TNRC6B: variants seen among roughly 807,000 people sequenced by gnomAD.
TNRC6B encodes the protein trinucleotide repeat containing adaptor 6B, also known as trinucleotide repeat-containing gene 6B protein.
In TNRC6B, 52 loss-of-function variants were observed where a neutral mutation model predicts 203.6. That is an observed-to-expected ratio of 0.26 (90% CI 0.20 to 0.32). The LOEUF is 0.32. Among genes scored for constraint, TNRC6B ranks in the 10% least tolerant of loss-of-function variants. The pLI, the probability that TNRC6B is intolerant of heterozygous loss-of-function variation, is 1.00. For synonymous variants in TNRC6B, 838 were observed against 845.7 expected, an observed-to-expected ratio of 0.99 and a Z score of 0.16; for missense variants, 1,923 against 2,286.2, an observed-to-expected ratio of 0.84 and a Z score of 3.24.
intron 1 of TNRC6B, among the ~76,000 whole-genome samples, chr22:40,052,112 C>G (rs2067751075): frequency 6.6e-6 from 1 of 152,176 alleles, no homozygotes; most frequent in Non-Finnish European, 1.5e-5. Context: ...CTAGAACCAG[C>G]TTCCTTATCC....
intron 1 of TNRC6B, among the ~76,000 whole-genome samples, chr22:40,064,736 C>T (rs1192963198): frequency 6.6e-6 from 1 of 151,824 alleles, no homozygotes; most frequent in African/African-American, 2.4e-5. Context: ...CCTGCCTCAG[C>T]CTCCCGAGTA....
chr22:40,185,177 G>A (rs1217634172), intron 1 of TNRC6B, among the ~76,000 whole-genome samples: 1 of 152,078 alleles, frequency 6.6e-6, no homozygotes, highest in Non-Finnish European at 1.5e-5. Context: ...TTTTAGTAGA[G>A]ACGAGGTTTC....
chr22:40,170,295 A>G (rs1178648247), intron 4 of TNRC6B, among the ~76,000 whole-genome samples: 1 of 118,762 alleles, frequency 8.4e-6, no homozygotes, highest in African/African-American at 3.3e-5. Context: ...AAAAAAATAT[A>G]TATATATAAT....
chr22:40,172,834 A>T (rs374761716), intron 4 of TNRC6B, among the ~76,000 whole-genome samples: 2 of 152,160 alleles, frequency 1.3e-5, no homozygotes, highest in East Asian at 3.8e-4. Flanking sequence ...TGAAGATCTT[A>T]GAGATTTCTG....
chr22:40,045,288 T>A (rs2067677507), intron 1 of TNRC6B, among the ~76,000 whole-genome samples: 1 of 141,140 alleles, frequency 7.1e-6, no homozygotes, highest in African/African-American at 2.6e-5. Context: ...GGGGAGGGAC[T>A]CGGGGCGACG....
intron 12 of TNRC6B, among the ~76,000 whole-genome samples, chr22:40,291,479 A>C (rs934068042): frequency 6.6e-6 from 1 of 152,178 alleles, no homozygotes; most frequent in Non-Finnish European, 1.5e-5. Context: ...CAATGACAGG[A>C]ATTATTTTTA....
chr22:40,171,450 C>T (rs1053745569), intron 4 of TNRC6B, among the ~76,000 whole-genome samples: 5 of 151,974 alleles, frequency 3.3e-5, no homozygotes, highest in African/African-American at 1.2e-4. Flanking sequence ...CGTGAGCCAC[C>T]GCACCCGGCC....
chr22:40,081,499 C>G (rs1025648784), intron 1 of TNRC6B, among the ~76,000 whole-genome samples: 2 of 152,072 alleles, frequency 1.3e-5, no homozygotes, highest in African/African-American at 4.8e-5. Context: ...TCATAATGCT[C>G]TATACCATAA....
chr22:40,248,792 T>C (rs1449275038), intron 2 of TNRC6B, among the ~76,000 whole-genome samples: 7 of 152,274 alleles, frequency 4.6e-5, no homozygotes, highest in African/African-American at 1.7e-4. Context: ...CTATCGTTTT[T>C]GCTCAAAAAT....
At chr22:40,267,896 T>C (rs1385539378) in intron 5 of TNRC6B, among the ~76,000 whole-genome samples, 1 of 151,948 alleles carries the variant, frequency 6.6e-6, no homozygotes, top group African/African-American at 2.4e-5. Context: ...ATTGTTAGGA[T>C]AGTCAGTTGC....
intron 1 of TNRC6B, among the ~76,000 whole-genome samples, chr22:40,191,607 G>A (rs2069274490): frequency 6.6e-6 from 1 of 152,148 alleles, no homozygotes; most frequent in African/African-American, 2.4e-5. Flanking sequence ...AACAAGACAG[G>A]TTCTCACTCT....
At chr22:40,274,864 C>T (rs2070617071) in intron 7 of TNRC6B, among the ~76,000 whole-genome samples, 1 of 152,144 alleles carries the variant, frequency 6.6e-6, no homozygotes, top group South Asian at 2.1e-4. Context: ...CCAGTGTCTT[C>T]GCAGACCCTC....
intron 1 of TNRC6B, among the ~76,000 whole-genome samples, chr22:40,101,884 T>G (rs907201445): frequency 6.6e-6 from 1 of 152,220 alleles, no homozygotes; most frequent in African/African-American, 2.4e-5. Flanking sequence ...TCTGGTTTTG[T>G]CTAAGTCAAA....
At chr22:40,158,941 T>C (rs2068844940) in intron 4 of TNRC6B, among the ~76,000 whole-genome samples, 1 of 152,156 alleles carries the variant, frequency 6.6e-6, no homozygotes, top group Admixed American at 6.5e-5. Context: ...TGATTCAGTC[T>C]GGATAGGGAA....
At chr22:40,214,142 C>T (rs189536934) in intron 1 of TNRC6B, among the ~76,000 whole-genome samples, 1 of 152,084 alleles carries the variant, frequency 6.6e-6, no homozygotes, top group Non-Finnish European at 1.5e-5. Context: ...TGGTGCGCAC[C>T]TGTAGCCCCA....
In TNRC6B at chr22:40,265,455, G is replaced by T. The variant is rs747365401; in HGVS notation, c.1225G>T (p.Ala409Ser). Residue 409 changes from alanine to serine, a missense_variant, in exon 5 of 23, where the codon GCC becomes TCC. This residue lies in a region of TNRC6B where 614 missense variants were observed against 587.7 expected (regional missense o/e 1.04). Coordinates refer to ENST00000454349, the MANE Select transcript of TNRC6B (RefSeq NM_001162501.2). ...GLGNTSRSTD[A>S]PSQSTGDRKT... ...GGGGAACACCTCCAGGAGCACTGAT[G>T]CCCCTTCACAAAGCACTGGAGATCG... 18 of 1,613,888 alleles carry T rather than the reference G, an allele frequency of 1.1e-5. No homozygotes were observed. The highest frequency in any genetic ancestry group is 1.6e-4 in the Middle Eastern group (1 of 6,084).
At chr22:40,241,080 C>G (rs1019116242) in intron 1 of TNRC6B, among the ~76,000 whole-genome samples, 2 of 152,134 alleles carry the variant, frequency 1.3e-5, no homozygotes, top group African/African-American at 4.8e-5. Context: ...TGTAATTGAC[C>G]TGGGGTACTG....
At chr22:40,117,581 C>G (rs1252177739) in intron 2 of TNRC6B, among the ~76,000 whole-genome samples, 2 of 152,162 alleles carry the variant, frequency 1.3e-5, no homozygotes, top group African/African-American at 2.4e-5. Flanking sequence ...GTCAACATTT[C>G]TGGTTGCTTT....
chr22:40,315,991 T>C lies in TNRC6B; in HGVS notation c.4953T>C (p.Val1651=). The change falls in exon 21 of 23, where the codon GTT becomes GTC. Residue 1651 remains valine, a synonymous_variant. Transcript: ENST00000454349. ...CAGTTCGTCCTAGTTACTGGCTGGT[T>C]CTTCACAATCTCACCCCACAGGTAA... ...GGSVRPSYWL[V]LHNLTPQIDG... The C allele has an allele frequency of 1.2e-6, 2 of 1,613,902 alleles. No homozygotes were observed. The highest frequency in any genetic ancestry group is 1.7e-6 in the Non-Finnish European group (2 of 1,179,844).
Sources: gnomAD v4.1 joint callset for allele counts (sites outside exome capture counted in the v4.1 genomes callset) on GRCh38, gnomAD v4.1.1 for gene constraint, gnomAD v4.1.1 regional missense constraint, MANE v1.5 for transcripts, NCBI Gene and HGNC (gene_info 2026-07-23, HGNC 2026-07-21) for gene names.